SGCZ: variants seen among roughly 807,000 people sequenced by gnomAD.
SGCZ encodes zeta-sarcoglycan.
In SGCZ, 40 loss-of-function variants were observed where a neutral mutation model predicts 41.3. The observed-to-expected ratio is 0.97, with a 90% CI of 0.75 to 1.26. The LOEUF is 1.26. SGCZ is among the 50% of genes most tolerant of loss of function. The pLI is 0.00. For synonymous variants in SGCZ, 206 were observed against 137.5 expected, an observed-to-expected ratio of 1.50 and a Z score of -3.49; for missense variants, 552 against 369.8, an observed-to-expected ratio of 1.49 and a Z score of -4.04.
chr8:15,232,208 C>G (rs1009381537), intron 1 of SGCZ, among the ~76,000 whole-genome samples: 7 of 152,166 alleles, frequency 4.6e-5, no homozygotes, highest in Non-Finnish European at 7.3e-5. Flanking sequence ...GCATAAGAAA[C>G]AGCGCACTAA....
At chr8:14,730,611 C>G (rs1810206834) in intron 1 of SGCZ, among the ~76,000 whole-genome samples, 2 of 148,832 alleles carry the variant, frequency 1.3e-5, no homozygotes, top group African/African-American at 5.0e-5. Context: ...TCAGGTTCTG[C>G]TTGAAGTGAG....
chr8:14,742,828 C>T (rs1799233205), intron 1 of SGCZ, among the ~76,000 whole-genome samples: 1 of 152,056 alleles, frequency 6.6e-6, no homozygotes, highest in Middle Eastern at 3.2e-3. Flanking sequence ...TGTATATTTA[C>T]ACTTTACCTT....
chr8:14,648,630 T>A (rs1408029624), intron 1 of SGCZ, among the ~76,000 whole-genome samples: 1 of 152,120 alleles, frequency 6.6e-6, no homozygotes, highest in Admixed American at 6.6e-5. Context: ...TTATATTTAA[T>A]TTCTTTAAAT....
chr8:15,127,806 G>C (rs531483724), intron 1 of SGCZ, among the ~76,000 whole-genome samples: 8 of 152,144 alleles, frequency 5.3e-5, no homozygotes, highest in African/African-American at 1.7e-4. Flanking sequence ...AAATAGAAAA[G>C]AAATTCCAAA....
intron 2 of SGCZ, among the ~76,000 whole-genome samples, chr8:14,408,060 AT>A (rs1318487764): frequency 2.6e-5 from 4 of 152,166 alleles, no homozygotes; most frequent in African/African-American, 9.7e-5. Context: ...ATTGATTTGA[AT>A]TAATGGGAAT....
intron 2 of SGCZ, among the ~76,000 whole-genome samples, chr8:14,401,536 T>C (rs1359982938): frequency 6.7e-6 from 1 of 148,288 alleles, no homozygotes; most frequent in Non-Finnish European, 1.5e-5. Flanking sequence ...GAATATGCGG[T>C]GTTTGGTTTT....
intron 1 of SGCZ, among the ~76,000 whole-genome samples, chr8:14,929,880 A>C (rs1799877227): frequency 6.6e-6 from 1 of 152,002 alleles, no homozygotes; most frequent in Non-Finnish European, 1.5e-5. Flanking sequence ...ACACTTGGTA[A>C]TTGTTATTTA....
intron 1 of SGCZ, among the ~76,000 whole-genome samples, chr8:15,174,261 C>G (rs1452954719): frequency 6.6e-6 from 1 of 152,094 alleles, no homozygotes; most frequent in Non-Finnish European, 1.5e-5. Flanking sequence ...TGTAAAAGAT[C>G]AAATAGTTTT....
chr8:14,915,689 C>T (rs533577614), intron 1 of SGCZ, among the ~76,000 whole-genome samples: 16 of 152,246 alleles, frequency 1.1e-4, no homozygotes, highest in African/African-American at 3.6e-4. Context: ...ATCTGTGTTC[C>T]CTTCGTAGTA....
At chr8:15,011,730 A>G (rs2130927150) in intron 1 of SGCZ, among the ~76,000 whole-genome samples, 1 of 152,322 alleles carries the variant, frequency 6.6e-6, no homozygotes, top group South Asian at 2.1e-4. Flanking sequence ...AAGAAAAATC[A>G]TGTCTGCTTA....
chr8:14,604,216 GCTT>G (rs1805676953), intron 1 of SGCZ, among the ~76,000 whole-genome samples: 1 of 152,182 alleles, frequency 6.6e-6, no homozygotes, highest in East Asian at 1.9e-4. Flanking sequence ...TATAGAAGAG[GCTT>G]CTTCTTATAG....
chr8:14,666,745 A>G (rs1232800891), intron 1 of SGCZ, among the ~76,000 whole-genome samples: 2 of 151,960 alleles, frequency 1.3e-5, no homozygotes, highest in Non-Finnish European at 2.9e-5. Context: ...TGACAACAAA[A>G]CTAGGCCACA....
chr8:14,893,598 A>G (rs1805097349), intron 1 of SGCZ, among the ~76,000 whole-genome samples: 1 of 152,156 alleles, frequency 6.6e-6, no homozygotes, highest in Non-Finnish European at 1.5e-5. Flanking sequence ...GATCGCCATA[A>G]TTTTAGGAAT....
At chr8:14,936,706 C>T (rs1800095773) in intron 1 of SGCZ, among the ~76,000 whole-genome samples, 2 of 151,850 alleles carry the variant, frequency 1.3e-5, no homozygotes, top group Admixed American at 6.6e-5. Context: ...AAGATTAGGT[C>T]ATACATACCA....
chr8:14,906,954 T>A lies in SGCZ; in HGVS notation c.39+330631A>T, dbSNP rs1369170140. 2.0e-5 allele frequency among the ~76,000 whole-genome samples: 3 copies of A among 152,322 alleles called. No homozygotes were observed. The East Asian group carries it at 5.8e-4, about 29-fold the overall frequency. The stretch of plus-strand genomic sequence containing the variant: ...CATATACTTTAAAAAAGGTGATATT[T>A]CTGCCACTGTCAGAGAATTTATAAC... On this transcript the variant is annotated intron_variant, in intron 1 of 7. Transcript: ENST00000382080.
intron 1 of SGCZ, among the ~76,000 whole-genome samples, chr8:14,834,090 T>C (rs977776924): frequency 1.3e-5 from 2 of 152,130 alleles, no homozygotes; most frequent in African/African-American, 2.4e-5. Flanking sequence ...AATATATAAA[T>C]AAATTGAAAA....
intron 1 of SGCZ, among the ~76,000 whole-genome samples, chr8:14,960,941 A>ACC (rs201784537): frequency 2.4e-4 from 35 of 146,700 alleles, no homozygotes; most frequent in African/African-American, 8.5e-4. Context: ...GCACACACAC[A>ACC]CACACACACA....
intron 4 of SGCZ, among the ~76,000 whole-genome samples, chr8:14,174,578 C>G (rs772566384): frequency 6.6e-6 from 1 of 152,026 alleles, no homozygotes; most frequent in Non-Finnish European, 1.5e-5. Context: ...CCCACCTAAG[C>G]GCATCTTAGT....
intron 2 of SGCZ, among the ~76,000 whole-genome samples, chr8:14,526,520 A>G (rs992905441): frequency 2.0e-5 from 3 of 152,186 alleles, no homozygotes; most frequent in Non-Finnish European, 4.4e-5. Context: ...TCAAAGTTAA[A>G]GCACACATTG....
Sources: allele counts gnomAD v4.1 joint callset (sites outside exome capture counted in the v4.1 genomes callset), GRCh38; gene constraint gnomAD v4.1.1; transcripts MANE v1.5; gene names NCBI Gene and HGNC (gene_info 2026-07-23, HGNC 2026-07-21).